FBXL2: variants seen among roughly 807,000 people sequenced by gnomAD.
FBXL2 encodes F-box and leucine rich repeat protein 2, also known as F-box/LRR-repeat protein 2.
Under a neutral mutation model 69.2 loss-of-function variants are expected in FBXL2, and 38 were observed. That is an observed-to-expected ratio of 0.55 (90% confidence interval 0.42 to 0.72). The LOEUF (loss-of-function observed/expected upper bound fraction) is 0.72. Ranked by LOEUF, FBXL2 falls within the 30% of genes least tolerant of loss-of-function variation. FBXL2 has a pLI of 0.00. For missense variants in FBXL2, 354 were observed against 520.3 expected (o/e 0.68, Z 3.11); for synonymous variants, 192 against 201.3 (o/e 0.95, Z 0.39).
At chr3:33,379,622 CTTTT>C (rs934164341) in intron 13 of FBXL2, among the ~76,000 whole-genome samples, 1 of 143,142 alleles carries the variant, frequency 7.0e-6, no homozygotes, top group African/African-American at 2.5e-5. Flanking sequence ...CCCAAAACAA[CTTTT>C]TTTTTTTAAT....
At chr3:33,390,404 G>A (rs773747686), downstream of FBXL2, 14 of 1,613,460 alleles carry the variant, frequency 8.7e-6, no homozygotes, top group Middle Eastern at 8.3e-4. Flanking sequence ...TCTTCAGTCA[G>A]GCTTAGGAAA....
At chr3:33,292,334 A>T (rs1323886525) in intron 1 of FBXL2, among the ~76,000 whole-genome samples, 1 of 152,152 alleles carries the variant, frequency 6.6e-6, no homozygotes, top group Non-Finnish European at 1.5e-5. Context: ...AGCCAAGATC[A>T]TGCCACTGCA....
At chr3:33,372,890 T>C in intron 5 of FBXL2, 1 of 615,590 alleles carries the variant, frequency 1.6e-6, no homozygotes, top group Non-Finnish European at 2.9e-6. Flanking sequence ...TGGCATCACC[T>C]GGGAGTTTCT....
At chr3:33,321,702 A>C (rs748164254) in intron 2 of FBXL2, among the ~76,000 whole-genome samples, 13 of 152,228 alleles carry the variant, frequency 8.5e-5, no homozygotes, top group Non-Finnish European at 2.9e-5. Flanking sequence ...TTGCATATCT[A>C]GGCTGTATGG....
At chr3:33,411,834 C>T in the FBXL2 span, 67,238 of 636,920 alleles carry the variant, frequency 0.11, 3,957 homozygotes, top group Admixed American at 0.17. Context: ...TCTTCAACAT[C>T]GAAACCCACC....
At chr3:33,335,585 C>G (rs1339883191) in intron 2 of FBXL2, among the ~76,000 whole-genome samples, 1 of 152,066 alleles carries the variant, frequency 6.6e-6, no homozygotes, top group Non-Finnish European at 1.5e-5. Flanking sequence ...GAGGAAAATA[C>G]ACTGTTATTC....
At chr3:33,413,126 G>A in the FBXL2 span, among the ~76,000 whole-genome samples, 2 of 152,144 alleles carry the variant, frequency 1.3e-5, no homozygotes, top group Non-Finnish European at 2.9e-5. Flanking sequence ...TAAAATTAAT[G>A]AGCAAGAATT....
intron 2 of FBXL2, among the ~76,000 whole-genome samples, chr3:33,328,737 C>A (rs936099541): frequency 1.3e-5 from 2 of 151,798 alleles, no homozygotes; most frequent in Non-Finnish European, 2.9e-5. Flanking sequence ...AATTGTGAAA[C>A]TTCTAGAAGA....
chr3:33,392,237 T>G, downstream of FBXL2: 2 of 223,138 alleles, frequency 9.0e-6, no homozygotes, highest in Non-Finnish European at 1.7e-5. Flanking sequence ...AATTTTGGTT[T>G]GCTTTCCCCA....
rs2036278400 is a variant in FBXL2 at position 33,301,344 on chromosome 3, C to T, written c.65+3619C>T. ...TTGCTTTCAGTCCAGATCATTTTCT[C>T]TTCTGCCACTTTTGACTGCTTCTGT... On this transcript the variant is annotated intron_variant, in intron 2 of 14. Transcript: ENST00000484457. 2.0e-5 allele frequency among the ~76,000 whole-genome samples: 3 copies of T among 152,176 alleles called. No individual in the cohort carries two copies. The South Asian group carries it at 6.2e-4, about 31-fold the overall frequency.
intron 5 of FBXL2, among the ~76,000 whole-genome samples, chr3:33,371,492 A>T (rs2042304064): frequency 6.6e-6 from 1 of 151,976 alleles, no homozygotes; most frequent in South Asian, 2.1e-4. Context: ...CTAAAAGTTT[A>T]ACTTGGATCT....
At chr3:33,324,454 T>C (rs2038514411) in intron 2 of FBXL2, among the ~76,000 whole-genome samples, 1 of 152,220 alleles carries the variant, frequency 6.6e-6, no homozygotes, top group Non-Finnish European at 1.5e-5. Flanking sequence ...TTTAAGTCTT[T>C]AATCCATCTT....
chr3:33,422,003 G>A, the FBXL2 span, among the ~76,000 whole-genome samples: 154 of 152,004 alleles, frequency 1.0e-3, no homozygotes, highest in East Asian at 0.014. Context: ...AGACTGCATC[G>A]TTGCACTCCA....
chr3:33,283,678 T>G (rs2034290440), intron 1 of FBXL2, among the ~76,000 whole-genome samples: 1 of 152,228 alleles, frequency 6.6e-6, no homozygotes, highest in Non-Finnish European at 1.5e-5. Context: ...TGTCTGGTCC[T>G]GGACTTTTTT....
At chr3:33,286,042 A>G (rs1407181730) in intron 1 of FBXL2, among the ~76,000 whole-genome samples, 1 of 152,212 alleles carries the variant, frequency 6.6e-6, no homozygotes, top group African/African-American at 2.4e-5. Context: ...TTCTTCTCTC[A>G]AAGTCATTCT....
rs139104631 is a variant in FBXL2, at chr3:33,363,083, C to G, written c.196-1542C>G. On this transcript the variant is annotated intron_variant, in intron 4 of 14. Transcript: ENST00000484457. ...TGAGACAGAGTCTTGCTCTGTCACC[C>G]AGGCTGGACTGCAGTGGCATGATCT... Among the ~76,000 whole-genome samples the G allele has an allele frequency of 1.6e-3, 239 of 152,218 alleles. 1 individual carries two copies. The highest frequency in any genetic ancestry group is 2.8e-3 in the Non-Finnish European group (191 of 68,010).
At chr3:33,391,621 T>A (rs1375942438), downstream of FBXL2, 1 of 152,224 alleles carries the variant, frequency 6.6e-6, no homozygotes, top group African/African-American at 2.4e-5. Context: ...GAGATCACCA[T>A]CTGCCCAGTT....
chr3:33,344,792 T>G (rs1471449307), intron 2 of FBXL2, among the ~76,000 whole-genome samples: 2 of 152,130 alleles, frequency 1.3e-5, no homozygotes, highest in African/African-American at 4.8e-5. Context: ...TTGAAAAGAT[T>G]AATTGATAAA....
At chr3:33,334,343 G>A (rs934990508) in intron 2 of FBXL2, among the ~76,000 whole-genome samples, 1 of 152,122 alleles carries the variant, frequency 6.6e-6, no homozygotes, top group African/African-American at 2.4e-5. Flanking sequence ...TATTTCAAGG[G>A]ATTCATGGAA....
Sources: gnomAD v4.1 joint callset for allele counts (sites outside exome capture counted in the v4.1 genomes callset) on GRCh38, gnomAD v4.1.1 for gene constraint, MANE v1.5 for transcripts, NCBI Gene and HGNC (gene_info 2026-07-23, HGNC 2026-07-21) for gene names.